The following PKD1L1 variants were observed in gnomAD, a reference collection of about 807,000 sequenced individuals.
PKD1L1 encodes polycystin 1 like 1, transient receptor potential channel interacting.
PKD1L1 carries 236 observed loss-of-function variants against 323.4 expected under a neutral mutation model. The ratio of observed to expected loss-of-function variants is 0.73; its 90% CI spans 0.66 to 0.81. The LOEUF is 0.81. Ranked by LOEUF, PKD1L1 falls within the 40% of genes least tolerant of loss-of-function variation. PKD1L1 has a pLI of 0.00. For synonymous variants in PKD1L1, 1,344 were observed against 1,335.0 expected (o/e 1.01, Z -0.15); for missense variants, 3,320 against 3,508.0 (o/e 0.95, Z 1.35).
At chr7:47,806,973 T>TTCTGTCGGGACACACACAGACGGGAC (rs1210094710) in intron 52 of PKD1L1, among the ~76,000 whole-genome samples, 70 of 151,986 alleles carry the variant, frequency 4.6e-4, no homozygotes, top group Non-Finnish European at 7.8e-4. Context: ...ACAGACAGGA[T>TTCTGTCGGGACACACACAGACGGGAC]TCTGTCGGGA....
Position 47,936,860 on chromosome 7 carries a change from A to G in PKD1L1, c.384T>C (p.Asp128=). Residue 128 remains aspartate, a synonymous_variant, in exon 4 of 57, where the codon GAT becomes GAC. Coordinates refer to ENST00000289672, the MANE Select transcript of PKD1L1 (RefSeq NM_138295.5). ...NEKTQAPLDC[D]NSADRIPHKP... is the part of the protein sequence containing the mutation. ...CATTGACATACCTATCAGCACTGTT[A>G]TCACAATCCAGAGGCGCCTGTGTTT... 6.2e-7 allele frequency: 1 copy of G among 1,612,730 alleles called. No homozygotes were observed. Among genetic ancestry groups the G allele is most frequent in the South Asian group, 1.1e-5 (1 of 90,662 alleles).
At chr7:47,879,336 A>C (rs1468526707) in intron 21 of PKD1L1, among the ~76,000 whole-genome samples, 2 of 152,176 alleles carry the variant, frequency 1.3e-5, no homozygotes, top group African/African-American at 4.8e-5. Flanking sequence ...ATCTGTAGAT[A>C]AAAATTGTTG....
At chr7:47,938,267 C>T (rs1299179469) in intron 3 of PKD1L1, among the ~76,000 whole-genome samples, 2 of 152,178 alleles carry the variant, frequency 1.3e-5, no homozygotes, top group Non-Finnish European at 2.9e-5. Flanking sequence ...AGGAGAACAA[C>T]ACAGGAAGGT....
intron 52 of PKD1L1, among the ~76,000 whole-genome samples, chr7:47,803,917 G>C (rs188734246): frequency 6.6e-6 from 1 of 152,132 alleles, no homozygotes; most frequent in South Asian, 2.1e-4. Flanking sequence ...GCAGACCCAG[G>C]GGCAAACAGC....
rs7801716 is a variant in PKD1L1 at position 47,829,114 on chromosome 7, G to A, written c.6735+311C>T. ...GGAGTACATTTTCTGTGGGTTCACT[G>A]AAGGGCAAATGGACTAAAAGTTCTC... is the stretch of plus-strand genomic sequence containing the variant. On this transcript the variant is annotated intron_variant, in intron 44 of 56. Coordinates refer to ENST00000289672, the MANE Select transcript of PKD1L1 (RefSeq NM_138295.5). Among the ~76,000 whole-genome samples the A allele has an allele frequency of 2.1e-3, 323 of 152,290 alleles. 3 individuals carry two copies. Among genetic ancestry groups the A allele is most frequent in the African/African-American group, 7.5e-3 (312 of 41,564 alleles).
chr7:47,905,113 T>G, intron 11 of PKD1L1, 44 bp downstream of exon 11: 1 of 1,589,200 alleles, frequency 6.3e-7, no homozygotes, highest in South Asian at 1.2e-5. Context: ...GAGTATAGGC[T>G]GCAGTACAAA....
chr7:47,845,693 G>A (rs890616195), intron 32 of PKD1L1, among the ~76,000 whole-genome samples: 3 of 152,120 alleles, frequency 2.0e-5, no homozygotes, highest in East Asian at 1.9e-4. Context: ...AGGTTCAAGC[G>A]ATTCTTGTGC....
chr7:47,818,092 A>T, intron 46 of PKD1L1: 1 of 1,367,900 alleles, frequency 7.3e-7, no homozygotes, highest in Non-Finnish European at 9.8e-7. Flanking sequence ...TATCAAATGC[A>T]GAGCAAATTG....
chr7:47,949,343 T>C (rs1653445839), upstream of PKD1L1, among the ~76,000 whole-genome samples: 1 of 116,780 alleles, frequency 8.6e-6, no homozygotes, highest in South Asian at 3.0e-4. Flanking sequence ...CACTCCAGCC[T>C]GGGCAACAGA....
At chr7:47,846,162 T>C (rs967739816) in intron 32 of PKD1L1, among the ~76,000 whole-genome samples, 1 of 152,238 alleles carries the variant, frequency 6.6e-6, no homozygotes, top group East Asian at 1.9e-4. Context: ...TAATGTCTTA[T>C]GGCTTATTTG....
chr7:47,927,888 T>C (rs1787685530), intron 7 of PKD1L1, among the ~76,000 whole-genome samples: 1 of 152,240 alleles, frequency 6.6e-6, no homozygotes, highest in African/African-American at 2.4e-5. Flanking sequence ...ACTGCAATGT[T>C]GTTTGCAATG....
Position 47,886,055 on chromosome 7 carries a change from C to G in PKD1L1, c.2837-1G>C. Reference sequence around the variant, plus strand: ...AGCCCCACTACTCTGCAGAAGGGAACTTAAGCAAACGTTTGGCAGTGTTAG... The same window carrying G: ...AGCCCCACTACTCTGCAGAAGGGAAGTTAAGCAAACGTTTGGCAGTGTTAG... On this transcript the variant is annotated splice_acceptor_variant, in intron 17 of 56. Transcript: ENST00000289672. LOFTEE classifies it high-confidence loss of function. 1 of 1,599,532 alleles carries G rather than the reference C, an allele frequency of 6.3e-7. No homozygotes were observed. The highest frequency in any genetic ancestry group is 8.5e-7 in the Non-Finnish European group (1 of 1,172,594).
chr7:47,945,297 G>T (rs765380272), intron 1 of PKD1L1, among the ~76,000 whole-genome samples: 12 of 152,270 alleles, frequency 7.9e-5, no homozygotes, highest in Admixed American at 2.0e-4. Flanking sequence ...AAGTCTAGAG[G>T]ATATCTACTT....
At chr7:47,925,104 A>G (rs902190076) in intron 7 of PKD1L1, among the ~76,000 whole-genome samples, 4 of 152,218 alleles carry the variant, frequency 2.6e-5, no homozygotes, top group African/African-American at 9.6e-5. Flanking sequence ...CTATATACCA[A>G]TGACAACCAG....
At chr7:47,913,532 C>T (rs900768155) in intron 8 of PKD1L1, among the ~76,000 whole-genome samples, 3 of 152,090 alleles carry the variant, frequency 2.0e-5, no homozygotes, top group Non-Finnish European at 4.4e-5. Context: ...CAATCCCTGC[C>T]ACTTGGTACT....
intron 44 of PKD1L1, 60 bp downstream of exon 44, chr7:47,829,365 G>T: frequency 6.9e-7 from 1 of 1,458,902 alleles, no homozygotes; most frequent in Non-Finnish European, 9.3e-7. Context: ...AGATATGCAT[G>T]ATAGAATATA....
intron 56 of PKD1L1, among the ~76,000 whole-genome samples, chr7:47,779,799 G>A (rs1786649469): frequency 2.0e-5 from 3 of 152,188 alleles, no homozygotes; most frequent in Admixed American, 2.0e-4. Flanking sequence ...AAGCTCAGAT[G>A]CCTTCATGCT....
At position 47,847,068 on chromosome 7, in the gene PKD1L1, G is replaced by T. The variant is rs754314067; in HGVS notation, c.4964C>A (p.Ala1655Asp). 9.6e-6 allele frequency: 15 copies of T among 1,565,190 alleles called. No individual in the cohort carries two copies. Among genetic ancestry groups the T allele is most frequent in the Non-Finnish European group, 1.2e-5 (14 of 1,160,584 alleles). ...IYIPAASQKDASVGYLSLLDA... is the reference protein window; with the variant it reads ...IYIPAASQKDDSVGYLSLLDA... ...CAATAAGGATAAATAGCCTACACTG[G>T]CATCTAAAAAGAGAAAACATAAATA... The change falls in exon 32 of 57, where the codon GCC (alanine) becomes GAC (aspartate). Residue 1655 changes from alanine to aspartate, a missense_variant. By Grantham distance (126) the Ala-to-Asp change is moderately radical (BLOSUM62 -2). Coordinates refer to ENST00000289672, the MANE Select transcript of PKD1L1 (RefSeq NM_138295.5).
chr7:47,802,588 T>C (rs1784687772), intron 53 of PKD1L1, among the ~76,000 whole-genome samples: 1 of 152,200 alleles, frequency 6.6e-6, no homozygotes, highest in African/African-American at 2.4e-5. Context: ...TGGCCTAGAC[T>C]TTCCCTCAGC....
Sources: allele counts gnomAD v4.1 joint callset (sites outside exome capture counted in the v4.1 genomes callset), GRCh38; gene constraint gnomAD v4.1.1; transcripts MANE v1.5; gene names NCBI Gene and HGNC (gene_info 2026-07-23, HGNC 2026-07-21).